Variants in NHSL3 observed in about 807,000 individuals in gnomAD.
NHSL3 encodes NHS like 3.
chr1:32,751,343 C>T, the NHSL3 span, among the ~76,000 whole-genome samples: 211 of 152,300 alleles, frequency 1.4e-3, no homozygotes, highest in Non-Finnish European at 2.4e-3. Context: ...AGTATGCAAG[C>T]GTCACCGTTG....
the NHSL3 span, chr1:32,767,911 G>C: frequency 5.0e-6 from 8 of 1,613,986 alleles, no homozygotes; most frequent in Non-Finnish European, 6.8e-6. Context: ...ACCTGGAAGA[G>C]CTGCACACTC....
chr1:32,762,495 C>T, the NHSL3 span, among the ~76,000 whole-genome samples: 1 of 148,456 alleles, frequency 6.7e-6, no homozygotes, highest in Non-Finnish European at 1.5e-5. Flanking sequence ...CAGGGACTTA[C>T]TGTGTTGCCC....
At chr1:32,743,409 C>A in the NHSL3 span, among the ~76,000 whole-genome samples, 1 of 152,194 alleles carries the variant, frequency 6.6e-6, no homozygotes, top group Non-Finnish European at 1.5e-5. Context: ...CACAGCCACA[C>A]ATAGAAGTGA....
At chr1:32,772,796 G>A in the NHSL3 span, 13 of 1,464,486 alleles carry the variant, frequency 8.9e-6, no homozygotes, top group Non-Finnish European at 1.2e-5. Context: ...GGTATGCTTT[G>A]TTGGGCTCCT....
the NHSL3 span, chr1:32,770,331 G>A: frequency 6.2e-6 from 10 of 1,611,952 alleles, no homozygotes; most frequent in South Asian, 5.5e-5. The surrounding 1 kb of genome is among the most constrained non-coding windows in gnomAD (Gnocchi z 8.3). Context: ...GCCTGCACTC[G>A]GCCAGCCCAG....
the NHSL3 span, among the ~76,000 whole-genome samples, chr1:32,769,326 T>G: frequency 6.6e-6 from 1 of 152,206 alleles, no homozygotes; most frequent in African/African-American, 2.4e-5. Context: ...GTGCCAGCTG[T>G]GTGACCTTGG....
the NHSL3 span, among the ~76,000 whole-genome samples, chr1:32,755,364 A>G: frequency 2.3e-4 from 35 of 152,126 alleles, no homozygotes; most frequent in Non-Finnish European, 4.0e-4. Flanking sequence ...CTACGGGTGT[A>G]TTCCCAGGAT....
At chr1:32,751,993 T>C in the NHSL3 span, among the ~76,000 whole-genome samples, 45 of 152,176 alleles carry the variant, frequency 3.0e-4, no homozygotes, top group Admixed American at 1.8e-3. Context: ...TCCTTGGGTA[T>C]TCCCTCTACT....
the NHSL3 span, among the ~76,000 whole-genome samples, chr1:32,745,803 GGACTTGAGCATTAGTTAAGTTCACCCT>G: frequency 6.6e-6 from 1 of 152,118 alleles, no homozygotes; most frequent in African/African-American, 2.4e-5. Context: ...ATGCTGCTGA[GGACTTGAGCATTAGTTAAGTTCACCCT>G]GATCCATGTT....
the NHSL3 span, chr1:32,770,909 C>T: frequency 6.2e-7 from 1 of 1,610,920 alleles, no homozygotes. This position sits in a 1 kb window ranked among gnomAD's most constrained non-coding sequence, Gnocchi z 8.3. Context: ...CCAGAACGGA[C>T]ACTTTCGCCC....
chr1:32,767,704 A>G, the NHSL3 span: 1 of 1,248,480 alleles, frequency 8.0e-7, no homozygotes, highest in Non-Finnish European at 1.1e-6. Context: ...TCTGGGGACC[A>G]TGACTGCCCT....
At chr1:32,763,729 GC>G in the NHSL3 span, among the ~76,000 whole-genome samples, 1 of 152,020 alleles carries the variant, frequency 6.6e-6, no homozygotes, top group South Asian at 2.1e-4. Flanking sequence ...GTACCACCAC[GC>G]CCGGCTAATT....
chr1:32,765,871 C>G, the NHSL3 span: 33 of 1,497,544 alleles, frequency 2.2e-5, no homozygotes, highest in Non-Finnish European at 3.0e-5. Flanking sequence ...TGCTCGATGC[C>G]TCCCTTTCCC....
chr1:32,770,560 A>T, the NHSL3 span: 2 of 1,525,320 alleles, frequency 1.3e-6, no homozygotes, highest in Non-Finnish European at 1.8e-6. The surrounding 1 kb of genome is among the most constrained non-coding windows in gnomAD (Gnocchi z 8.3). Context: ...AGGCAGTGGG[A>T]GGGGCTCTCC....
At chr1:32,765,214 CTG>C in the NHSL3 span, among the ~76,000 whole-genome samples, 1 of 152,224 alleles carries the variant, frequency 6.6e-6, no homozygotes, top group African/African-American at 2.4e-5. Flanking sequence ...TGTCCTGGGA[CTG>C]GCCCCTGCCC....
chr1:32,767,347 G>A, the NHSL3 span, among the ~76,000 whole-genome samples: 2 of 152,148 alleles, frequency 1.3e-5, no homozygotes, highest in Admixed American at 1.3e-4. Context: ...GTTACTGTTT[G>A]TGTATATACA....
At chr1:32,771,205 A>G in the NHSL3 span, 10 of 1,592,834 alleles carry the variant, frequency 6.3e-6, no homozygotes, top group Non-Finnish European at 8.5e-6. Flanking sequence ...ACCTCCCTCC[A>G]AGCCCAGGAG....
At chr1:32,754,338 C>A in the NHSL3 span, among the ~76,000 whole-genome samples, 2 of 151,626 alleles carry the variant, frequency 1.3e-5, no homozygotes, top group Admixed American at 1.3e-4. Context: ...CGGAGACACA[C>A]GTACACGGTA....
At chr1:32,772,289 C>G in the NHSL3 span, 1 of 1,592,588 alleles carries the variant, frequency 6.3e-7, no homozygotes, top group Non-Finnish European at 8.6e-7. Flanking sequence ...CCCCCACCCG[C>G]CTCCCCCAGT....
Sources: allele counts gnomAD v4.1 joint callset (sites outside exome capture counted in the v4.1 genomes callset), GRCh38; gene constraint gnomAD v4.1.1; non-coding constraint Gnocchi (gnomAD v3.1); transcripts MANE v1.5; gene names NCBI Gene and HGNC (gene_info 2026-07-23, HGNC 2026-07-21).